Variants in LEPR observed in about 807,000 individuals in gnomAD.
LEPR encodes leptin receptor.
In LEPR, 56 loss-of-function variants were observed where a neutral mutation model predicts 114.7. That is an observed-to-expected ratio of 0.49 (90% confidence interval 0.39 to 0.61). The LOEUF is 0.61. LEPR is among the 20% of genes least tolerant of loss of function. The probability of loss-of-function intolerance (pLI) is 0.00; values close to 1 mark genes in which losing one functional copy is unlikely to be tolerated. For synonymous variants in LEPR, 443 were observed against 461.4 expected (o/e 0.96, Z 0.51); for missense variants, 1,202 against 1,352.9 (o/e 0.89, Z 1.75).
chr1:65,623,762 C>G (rs1658025640), intron 19 of LEPR, among the ~76,000 whole-genome samples: 2 of 152,214 alleles, frequency 1.3e-5, no homozygotes, highest in African/African-American at 4.8e-5. Context: ...CTTTTGAATA[C>G]AAGATATAAA....
At chr1:65,437,078 G>A (rs371707034) in intron 2 of LEPR, among the ~76,000 whole-genome samples, 8 of 152,148 alleles carry the variant, frequency 5.3e-5, no homozygotes, top group African/African-American at 1.9e-4. Context: ...GCCATTTGTG[G>A]TTCCTTGACA....
chr1:65,506,895 C>A (rs996874830), intron 2 of LEPR, among the ~76,000 whole-genome samples: 2 of 152,160 alleles, frequency 1.3e-5, no homozygotes, highest in East Asian at 3.9e-4. Context: ...TTATTCCTAA[C>A]TGAAACTTCG....
At chr1:65,452,719 A>G (rs1646804594) in intron 2 of LEPR, among the ~76,000 whole-genome samples, 2 of 151,552 alleles carry the variant, frequency 1.3e-5, no homozygotes, top group Non-Finnish European at 2.9e-5. Flanking sequence ...ATGTTCATCA[A>G]GGATATTGGT....
rs777686207 is a variant in LEPR at position 65,605,181 on chromosome 1, A to G, written c.1547A>G (p.Asn516Ser). 5.6e-6 allele frequency: 9 copies of G among 1,613,984 alleles called. No homozygotes were observed. The highest frequency in any genetic ancestry group is 1.3e-5 in the African/African-American group (1 of 74,900). Reference protein sequence around the residue: ...LSGYTMWIRINHSLGSLDSPP... With the variant: ...LSGYTMWIRISHSLGSLDSPP... ...GGCTACACAATGTGGATTAGGATCA[A>G]TCACTCTCTAGGTTCACTTGACTCT... The change falls in exon 11 of 20, where the codon AAT becomes AGT. Residue 516 changes from asparagine to serine, a missense_variant. Asn to Ser is a conservative substitution (Grantham distance 46). Transcript: ENST00000349533.
At position 65,633,255 on chromosome 1, in the gene LEPR, G is replaced by A; in HGVS notation, c.2674-2936G>A. On this transcript the variant is annotated intron_variant, in intron 19 of 19. Transcript: ENST00000349533. The surrounding 1 kb of genome is among the most constrained non-coding windows in gnomAD (Gnocchi z 4.1). ...TATTAGAAGATTTTTACATTTTGAA[G>A]AAGGGGAGCAAATCTAAAAAAAATT... 1 of 1,567,932 alleles carries A rather than the reference G, an allele frequency of 6.4e-7. No homozygotes were observed. The highest frequency in any genetic ancestry group is 8.6e-7 in the Non-Finnish European group (1 of 1,161,304).
intron 2 of LEPR, among the ~76,000 whole-genome samples, chr1:65,502,461 G>T (rs1268489705): frequency 6.6e-6 from 1 of 151,716 alleles, no homozygotes; most frequent in Non-Finnish European, 1.5e-5. Context: ...CTTAGCAAAC[G>T]AATACAGCAA....
intron 2 of LEPR, among the ~76,000 whole-genome samples, chr1:65,546,857 T>G (rs567423012): frequency 6.6e-6 from 1 of 151,956 alleles, no homozygotes; most frequent in Non-Finnish European, 1.5e-5. Flanking sequence ...TGAATAGGAG[T>G]GGTGAGAGAG....
At chr1:65,550,203 G>T (rs937636072) in intron 2 of LEPR, among the ~76,000 whole-genome samples, 27 of 152,240 alleles carry the variant, frequency 1.8e-4, no homozygotes, top group Admixed American at 1.6e-3. Flanking sequence ...CCCGGCCGTG[G>T]GAGGTGTCGG....
intron 2 of LEPR, among the ~76,000 whole-genome samples, chr1:65,431,251 T>C (rs753256482): frequency 7.2e-5 from 11 of 152,358 alleles, no homozygotes; most frequent in East Asian, 5.8e-4. Context: ...GAAACTTTCA[T>C]TGATGTTTCT....
At chr1:65,459,662 G>T (rs954877017) in intron 2 of LEPR, among the ~76,000 whole-genome samples, 1 of 152,196 alleles carries the variant, frequency 6.6e-6, no homozygotes, top group Non-Finnish European at 1.5e-5. Context: ...AAAGAAGCGT[G>T]AATTTATAAC....
rs1448006511 is a variant in LEPR at position 65,560,032 on chromosome 1, G to A, written c.-20-5514G>A. ...TGGCTTAGGATTGACTTGGTGATGC[G>A]GGCTCTTTTTTGGTTCCATATGAAC... is the stretch of plus-strand genomic sequence containing the variant. On this transcript the variant is annotated intron_variant, in intron 2 of 19. Coordinates refer to ENST00000349533, the MANE Select transcript of LEPR (RefSeq NM_002303.6). Among the ~76,000 whole-genome samples, 123 of 145,268 alleles carry A rather than the reference G, an allele frequency of 8.5e-4. 5 individuals are homozygous for A. Among genetic ancestry groups the A allele is most frequent in the African/African-American group, 2.9e-3 (113 of 39,068 alleles).
intron 2 of LEPR, among the ~76,000 whole-genome samples, chr1:65,542,226 G>A (rs75083258): frequency 0.016 from 2,490 of 152,000 alleles, 35 homozygotes; most frequent in Admixed American, 0.026. Context: ...ACTTTATACA[G>A]ATTTCTTCAA....
chr1:65,425,097 A>G (rs1242320562), intron 1 of LEPR, among the ~76,000 whole-genome samples: 1 of 152,204 alleles, frequency 6.6e-6, no homozygotes, highest in Non-Finnish European at 1.5e-5. Flanking sequence ...ATACCATAAA[A>G]TTAACATTCT....
intron 2 of LEPR, among the ~76,000 whole-genome samples, chr1:65,476,269 A>G (rs757742368): frequency 6.6e-6 from 1 of 151,832 alleles, no homozygotes; most frequent in Non-Finnish European, 1.5e-5. Flanking sequence ...TAAAATGACA[A>G]CTGATGTCAC....
chr1:65,610,387 A>G (rs1193513525), intron 14 of LEPR, 91 bp downstream of exon 14: 17 of 1,061,838 alleles, frequency 1.6e-5, no homozygotes, highest in Non-Finnish European at 2.4e-5. Flanking sequence ...TAATCTTCGG[A>G]AAGCTCAACA....
At chr1:65,605,637 C>T (rs1656757964) in intron 11 of LEPR, among the ~76,000 whole-genome samples, 1 of 152,116 alleles carries the variant, frequency 6.6e-6, no homozygotes, top group Non-Finnish European at 1.5e-5. Flanking sequence ...GTACTCATAA[C>T]TCAAGCCTTT....
At chr1:65,565,663 T>G in intron 3 of LEPR, 58 bp downstream of exon 3, 1 of 1,586,026 alleles carries the variant, frequency 6.3e-7, no homozygotes, top group Non-Finnish European at 8.7e-7. Context: ...AGATTTTGCC[T>G]TTAGAGATGC....
intron 2 of LEPR, among the ~76,000 whole-genome samples, chr1:65,548,763 AT>A (rs1553163885): frequency 2.6e-5 from 4 of 151,456 alleles, no homozygotes; most frequent in Non-Finnish European, 5.9e-5. Context: ...TCTTTATCCA[AT>A]TTTCCAGTCT....
At chr1:65,623,862 G>A (rs1658033859) in intron 19 of LEPR, among the ~76,000 whole-genome samples, 1 of 152,002 alleles carries the variant, frequency 6.6e-6, no homozygotes, top group African/African-American at 2.4e-5. Flanking sequence ...CTATCCCTGG[G>A]CCTTGATGAT....
Sources: gnomAD v4.1 joint callset for allele counts (sites outside exome capture counted in the v4.1 genomes callset) on GRCh38, gnomAD v4.1.1 for gene constraint, Gnocchi (gnomAD v3.1) non-coding constraint, MANE v1.5 for transcripts, NCBI Gene and HGNC (gene_info 2026-07-23, HGNC 2026-07-21) for gene names.